Variants in ADCY1 observed in about 807,000 individuals in gnomAD.
ADCY1 encodes adenylate cyclase 1.
A neutral mutation model predicts 105.4 loss-of-function variants in ADCY1; 28 were observed. The observed-to-expected ratio is 0.27, with a 90% CI of 0.20 to 0.36. The LOEUF is 0.36. ADCY1 is among the 10% of genes least tolerant of loss of function. ADCY1 has a pLI of 1.00. For synonymous variants in ADCY1, 655 were observed against 623.8 expected (o/e 1.05, Z -0.75); for missense variants, 977 against 1,434.2 (o/e 0.68, Z 5.15).
intron 14 of ADCY1, among the ~76,000 whole-genome samples, chr7:45,690,691 G>C (rs1401130250): frequency 6.6e-6 from 1 of 152,204 alleles, no homozygotes; most frequent in Non-Finnish European, 1.5e-5. Context: ...CCCTGGAAGG[G>C]AGATCTGGCC....
intron 2 of ADCY1, among the ~76,000 whole-genome samples, chr7:45,594,154 G>A (rs1793006343): frequency 6.6e-6 from 1 of 152,066 alleles, no homozygotes; most frequent in Admixed American, 6.6e-5. Flanking sequence ...TGTTTGCGTG[G>A]GCATGCCTGT....
chr7:45,683,791 A>G (rs1227327179), intron 11 of ADCY1, among the ~76,000 whole-genome samples: 8 of 152,340 alleles, frequency 5.3e-5, no homozygotes, highest in Middle Eastern at 6.8e-3. Context: ...GGCTCTACTC[A>G]GGCCCAGCGG....
At chr7:45,661,884 T>G (rs1159820193) in intron 7 of ADCY1, among the ~76,000 whole-genome samples, 175 bp from the exon 8 acceptor site, 1 of 152,000 alleles carries the variant, frequency 6.6e-6, no homozygotes, top group Non-Finnish European at 1.5e-5. Flanking sequence ...CAATATGGTT[T>G]TGTTTGCTGC....
chr7:45,583,627 C>T (rs915153174), intron 1 of ADCY1, among the ~76,000 whole-genome samples: 2 of 152,070 alleles, frequency 1.3e-5, no homozygotes, highest in African/African-American at 4.8e-5. Context: ...TGCTTGGCCA[C>T]CTGGTGTTCT....
chr7:45,625,453 G>A (rs1446249213), intron 4 of ADCY1, among the ~76,000 whole-genome samples: 2 of 152,228 alleles, frequency 1.3e-5, no homozygotes, highest in Admixed American at 6.5e-5. Flanking sequence ...ACATATGTGT[G>A]TGAGTGTGCA....
intron 8 of ADCY1, among the ~76,000 whole-genome samples, chr7:45,676,837 ATTTTTTTT>A (rs58708149): frequency 1.5e-5 from 2 of 131,172 alleles, no homozygotes; most frequent in East Asian, 2.2e-4. Context: ...GGGGCCACAG[ATTTTTTTT>A]TTTTTTTTTT....
At position 45,575,160 on chromosome 7, in the gene ADCY1, A is replaced by G. The variant is rs1358902366; in HGVS notation, c.617A>G (p.Lys206Arg). The G allele has an allele frequency of 1.9e-6, 3 of 1,607,120 alleles. No individual in the cohort carries two copies. The highest frequency in any genetic ancestry group is 2.7e-5 in the African/African-American group (2 of 74,880). Residue 206 changes from lysine to arginine, a missense_variant, in exon 1 of 20, where the codon AAG (lysine) becomes AGG (arginine). Coordinates refer to ENST00000297323, the MANE Select transcript of ADCY1 (RefSeq NM_021116.4). The surrounding 1 kb of genome is among the most constrained non-coding windows in gnomAD (Gnocchi z 4.7). ...LLVTATLVPA[K>R]RPRLWRTLGA... ...GTCACAGCCACCTTGGTCCCCGCCA[A>G]GCGCCCACGTCTCTGGAGGACGGTA... is the stretch of plus-strand genomic sequence containing the variant.
chr7:45,678,586 A>G (rs1330602567), intron 10 of ADCY1, among the ~76,000 whole-genome samples: 1 of 152,146 alleles, frequency 6.6e-6, no homozygotes, highest in East Asian at 1.9e-4. Context: ...CATTGCTGTA[A>G]TAATAGCTTT....
At chr7:45,655,965 G>A (rs1387405607) in intron 5 of ADCY1, among the ~76,000 whole-genome samples, 1 of 151,944 alleles carries the variant, frequency 6.6e-6, no homozygotes, top group African/African-American at 2.4e-5. Context: ...AAAGAAGATT[G>A]GCAAACAACT....
chr7:45,621,684 C>T (rs910311171), intron 3 of ADCY1, among the ~76,000 whole-genome samples: 3 of 152,066 alleles, frequency 2.0e-5, no homozygotes, highest in East Asian at 1.9e-4. Context: ...CCATCTTTGG[C>T]GATACACTGT....
chr7:45,639,646 T>A (rs909568937), intron 4 of ADCY1, among the ~76,000 whole-genome samples: 1 of 152,194 alleles, frequency 6.6e-6, no homozygotes, highest in African/African-American at 2.4e-5. Flanking sequence ...TGGGAACATT[T>A]TTTTCCCAAT....
intron 10 of ADCY1, 45 bp downstream of exon 10, chr7:45,678,308 C>T (rs376727653): frequency 3.5e-4 from 556 of 1,568,984 alleles, no homozygotes; most frequent in South Asian, 1.6e-3. Flanking sequence ...CAAGAAGTCC[C>T]GGTTTCTGGG....
chr7:45,611,554 G>A (rs1012802616), intron 3 of ADCY1, among the ~76,000 whole-genome samples: 5 of 151,816 alleles, frequency 3.3e-5, no homozygotes, highest in Admixed American at 6.5e-5. Flanking sequence ...GCCCTAGGAG[G>A]AAGGGATTGT....
intron 1 of ADCY1, among the ~76,000 whole-genome samples, chr7:45,584,637 A>G (rs1792664611): frequency 6.6e-6 from 1 of 152,032 alleles, no homozygotes; most frequent in Admixed American, 6.5e-5. Flanking sequence ...TTCTCGATAA[A>G]CCTGTTTAAT....
Position 45,714,221 on chromosome 7 carries a change from A to G in ADCY1, c.*226A>G. 1.8e-6 allele frequency: 1 copy of G among 568,746 alleles called. No individual in the cohort carries two copies. Among genetic ancestry groups the G allele is most frequent in the South Asian group, 2.4e-5 (1 of 41,064 alleles). The allele number at this position is 568,746 out of a possible 1,614,324, so 35.2% of individuals were successfully genotyped here. ...GAGGGGAGGACACCCGACTGTGCAC[A>G]CTTCCAGGCCTCCCTGGAGAGGTGT... On this transcript the variant is annotated 3_prime_UTR_variant, in exon 20 of 20. Coordinates refer to ENST00000297323, the MANE Select transcript of ADCY1 (RefSeq NM_021116.4).
At chr7:45,631,992 C>T (rs562674930) in intron 4 of ADCY1, among the ~76,000 whole-genome samples, 2 of 152,024 alleles carry the variant, frequency 1.3e-5, no homozygotes, top group South Asian at 2.1e-4. Flanking sequence ...GTGTATGTTT[C>T]GAGGTATGGG....
At position 45,644,939 on chromosome 7, in the gene ADCY1, CA is replaced by C. The variant is rs564942191; in HGVS notation, c.1021-3730del. ...GTGGAGGTGGGTGGGAAAGGGATGC[CA>C]TGAGGGCCCAGGAGGGTTCTCAGCT... On this transcript the variant is annotated intron_variant, in intron 4 of 19. Coordinates refer to ENST00000297323, the MANE Select transcript of ADCY1 (RefSeq NM_021116.4). Among the ~76,000 whole-genome samples the C allele has an allele frequency of 2.0e-4, 31 of 152,242 alleles. No individual in the cohort carries two copies. The East Asian group carries it at 5.4e-3, about 27-fold the overall frequency.
intron 8 of ADCY1, among the ~76,000 whole-genome samples, chr7:45,669,725 T>C (rs1329483711): frequency 6.6e-6 from 1 of 152,242 alleles, no homozygotes; most frequent in African/African-American, 2.4e-5. Flanking sequence ...TTTTAAAATA[T>C]AACTTCTACC....
intron 3 of ADCY1, 112 bp downstream of exon 3, chr7:45,610,609 G>A: frequency 1.1e-6 from 1 of 892,698 alleles, no homozygotes; most frequent in Non-Finnish European, 1.8e-6. Flanking sequence ...GATGGAGGTG[G>A]GGAAAGAATG....
Sources: allele counts gnomAD v4.1 joint callset (sites outside exome capture counted in the v4.1 genomes callset), GRCh38; gene constraint gnomAD v4.1.1; non-coding constraint Gnocchi (gnomAD v3.1); transcripts MANE v1.5; gene names NCBI Gene and HGNC (gene_info 2026-07-23, HGNC 2026-07-21).